The following RUNX1 variants were observed in gnomAD, a reference collection of about 807,000 sequenced individuals.
The protein encoded by RUNX1 is runt-related transcription factor 1.
In RUNX1, 19 loss-of-function variants were observed where a neutral mutation model predicts 42.8. The ratio of observed to expected loss-of-function variants is 0.44; its 90% CI spans 0.31 to 0.65. RUNX1 has a LOEUF of 0.65. Ranked by LOEUF, RUNX1 falls within the 30% of genes least tolerant of loss-of-function variation. RUNX1 has a pLI of 0.07. For synonymous variants in RUNX1, 271 were observed against 289.4 expected, an observed-to-expected ratio of 0.94 and a Z score of 0.64; for missense variants, 528 against 672.0, an observed-to-expected ratio of 0.79 and a Z score of 2.37.
intron 2 of RUNX1, among the ~76,000 whole-genome samples, chr21:35,000,300 G>A (rs2059031512): frequency 6.7e-6 from 1 of 148,642 alleles, no homozygotes; most frequent in Non-Finnish European, 1.5e-5. Context: ...GAATGCAGTG[G>A]CGCAATCTCG....
At position 34,859,197 on chromosome 21, in the gene RUNX1, C is replaced by A. The variant is rs1365384918; in HGVS notation, c.613+277G>T. Reference sequence around the variant, plus strand: ...TTTACTGTATATTGAGGAAGCAGTCCTTAGTTTCATGCTGCCCTGAATGGT... The same window carrying A: ...TTTACTGTATATTGAGGAAGCAGTCATTAGTTTCATGCTGCCCTGAATGGT... On this transcript the variant is annotated intron_variant, in intron 6 of 8. Coordinates refer to ENST00000675419, the MANE Select transcript of RUNX1 (RefSeq NM_001754.5). 30 of 489,086 alleles carry A rather than the reference C, an allele frequency of 6.1e-5. No individual in the cohort carries two copies. The East Asian group carries it at 1.1e-3, about 18-fold the overall frequency. The allele number at this position is 489,086 out of a possible 1,614,324, so 30.3% of individuals were successfully genotyped here.
intron 3 of RUNX1, chr21:34,888,839 T>C: frequency 3.2e-6 from 1 of 315,804 alleles, no homozygotes; most frequent in Non-Finnish European, 4.7e-6. Flanking sequence ...CGCCGGCTCC[T>C]GGAATTGGCC....
chr21:34,993,496 C>CACACA (rs1160336189), intron 2 of RUNX1, among the ~76,000 whole-genome samples: 2,806 of 120,326 alleles, frequency 0.023, 103 homozygotes, highest in African/African-American at 0.1. Context: ...TTTGTTTGTC[C>CACACA]CTACACACAC....
At chr21:34,814,079 C>T (rs1302173495) in intron 7 of RUNX1, among the ~76,000 whole-genome samples, 1 of 152,186 alleles carries the variant, frequency 6.6e-6, no homozygotes, top group African/African-American at 2.4e-5. Context: ...AGCACATTGT[C>T]CAGATGGTTC....
chr21:35,019,117 C>G (rs1199987823), intron 2 of RUNX1, among the ~76,000 whole-genome samples: 2 of 152,224 alleles, frequency 1.3e-5, no homozygotes, highest in Non-Finnish European at 2.9e-5. Context: ...CTAACCTGAA[C>G]TGGTCAACCA....
chr21:34,849,332 C>CTA (rs796351052), intron 6 of RUNX1, among the ~76,000 whole-genome samples: 1 of 24,672 alleles, frequency 4.1e-5, no homozygotes, highest in African/African-American at 1.3e-4. Flanking sequence ...ATTATATATA[C>CTA]TATATATATT....
chr21:34,796,908 C>T (rs1180693782), intron 8 of RUNX1, among the ~76,000 whole-genome samples: 10 of 152,146 alleles, frequency 6.6e-5, no homozygotes, highest in Admixed American at 6.5e-4. Context: ...AGTCCAAGTC[C>T]CCAGCGCAGA....
At chr21:34,991,536 A>G (rs896337579) in intron 2 of RUNX1, among the ~76,000 whole-genome samples, 1 of 120,296 alleles carries the variant, frequency 8.3e-6, no homozygotes, top group African/African-American at 3.6e-5. Flanking sequence ...CATTCCTAGC[A>G]GGGATTACGA....
intron 2 of RUNX1, among the ~76,000 whole-genome samples, chr21:35,008,199 A>C (rs1388441312): frequency 6.6e-6 from 1 of 152,126 alleles, no homozygotes; most frequent in East Asian, 1.9e-4. Flanking sequence ...CCCCCAACAG[A>C]ATTGGTTCAT....
At chr21:34,795,048 T>C (rs1320055871) in intron 8 of RUNX1, among the ~76,000 whole-genome samples, 1 of 152,182 alleles carries the variant, frequency 6.6e-6, no homozygotes, top group African/African-American at 2.4e-5. Context: ...CTCTCCTCTT[T>C]ATATCAGCAA....
chr21:34,947,153 A>T (rs2058569474), intron 2 of RUNX1, among the ~76,000 whole-genome samples: 1 of 152,224 alleles, frequency 6.6e-6, no homozygotes, highest in Admixed American at 6.5e-5. Context: ...ATGGATTATA[A>T]GATGTTTGAG....
rs756010562 is a variant in RUNX1, at chr21:34,792,572, A to T, written c.1006T>A (p.Phe336Ile). ...TCGGAGATGGAGGGCAGCGCGGGGA[A>T]CTGGCGCGGGTCGCTGAACGCTGTC... ...DLTAFSDPRQ[F>I]PALPSISDPR... The change falls in exon 9 of 9, where the codon TTC (phenylalanine) becomes ATC (isoleucine). Residue 336 changes from phenylalanine (F) to isoleucine (I), a missense_variant. Phe to Ile is a conservative substitution (Grantham distance 21). Around this residue, in one of 3 missense-constraint regions of RUNX1, gnomAD observed 331 missense variants for 382.5 expected, o/e 0.87. Transcript: ENST00000675419. This position sits in a 1 kb window ranked among gnomAD's most constrained non-coding sequence, Gnocchi z 6.9. The T allele has an allele frequency of 1.4e-5, 23 of 1,605,084 alleles. No individual in the cohort carries two copies. Among genetic ancestry groups the T allele is most frequent in the Non-Finnish European group, 2.0e-5 (23 of 1,176,032 alleles).
In RUNX1 at chr21:34,921,792, T is replaced by C. The variant is rs2058356044; in HGVS notation, c.59-28829A>G. Among the ~76,000 whole-genome samples, 3 of 152,058 alleles carry C rather than the reference T, an allele frequency of 2.0e-5. No homozygotes were observed. In the South Asian group the frequency reaches 6.2e-4, roughly 32 times the overall value. ...AATTACAGGTGTGCACCACCATACC[T>C]GGCGAATTTTTTTGTATTTTTAGTG... On this transcript the variant is annotated intron_variant, in intron 2 of 8. Coordinates refer to ENST00000675419, the MANE Select transcript of RUNX1 (RefSeq NM_001754.5).
chr21:34,881,548 G>C (rs2057905804), intron 4 of RUNX1, among the ~76,000 whole-genome samples: 1 of 152,180 alleles, frequency 6.6e-6, no homozygotes, highest in African/African-American at 2.4e-5. Flanking sequence ...GGGTGGAATT[G>C]GGTTGCATTT....
intron 2 of RUNX1, among the ~76,000 whole-genome samples, chr21:34,955,982 T>A (rs187967025): frequency 6.6e-6 from 1 of 152,182 alleles, no homozygotes; most frequent in African/African-American, 2.4e-5. Context: ...TTTTTCCTCA[T>A]GCATATGCAA....
intron 2 of RUNX1, among the ~76,000 whole-genome samples, chr21:34,955,470 T>C (rs867877635): frequency 3.3e-5 from 5 of 152,140 alleles, no homozygotes; most frequent in South Asian, 4.1e-4. Flanking sequence ...AAAAGGGAGA[T>C]GGCATTACTC....
intron 5 of RUNX1, among the ~76,000 whole-genome samples, chr21:34,878,884 C>T (rs552289500): frequency 3.9e-5 from 6 of 152,204 alleles, no homozygotes; most frequent in East Asian, 3.8e-4. Flanking sequence ...GTCACTGGCA[C>T]GGATCACTAA....
rs969350206 is a variant in RUNX1, at chr21:34,907,442, C to T, written c.59-14479G>A. On this transcript the variant is annotated intron_variant, in intron 2 of 8. Coordinates refer to ENST00000675419, the MANE Select transcript of RUNX1 (RefSeq NM_001754.5). The surrounding 1 kb of genome is among the most constrained non-coding windows in gnomAD (Gnocchi z 5.3). ...TCATCAGTAGTAAGGGTGAATACTGCTTCCTGAAGCTCTTTTTTTGATTGA... is the reference window on the plus strand; with the variant it reads ...TCATCAGTAGTAAGGGTGAATACTGTTTCCTGAAGCTCTTTTTTTGATTGA... 6.6e-6 allele frequency among the ~76,000 whole-genome samples: 1 copy of T among 151,924 alleles called. No homozygotes were observed. The highest frequency in any genetic ancestry group is 1.5e-5 in the Non-Finnish European group (1 of 68,032).
intron 7 of RUNX1, among the ~76,000 whole-genome samples, chr21:34,817,271 G>A (rs1481118580): frequency 6.6e-6 from 1 of 152,172 alleles, no homozygotes; most frequent in African/African-American, 2.4e-5. Context: ...CTGAAAAGTT[G>A]TCCTTTTGTT....
Sources: gnomAD v4.1 joint callset for allele counts (sites outside exome capture counted in the v4.1 genomes callset) on GRCh38, gnomAD v4.1.1 for gene constraint, gnomAD v4.1.1 regional missense constraint, Gnocchi (gnomAD v3.1) non-coding constraint, MANE v1.5 for transcripts, NCBI Gene and HGNC (gene_info 2026-07-23, HGNC 2026-07-21) for gene names.